TMEM266: variants seen among roughly 807,000 people sequenced by gnomAD.
The protein encoded by TMEM266 is Hv1 related protein 1.
Under a neutral mutation model 50.5 loss-of-function variants are expected in TMEM266, and 33 were observed. The ratio of observed to expected loss-of-function variants is 0.65; its 90% CI spans 0.50 to 0.87. TMEM266 has a LOEUF of 0.87. TMEM266 is among the 40% of genes least tolerant of loss of function. The pLI is 0.00. For synonymous variants in TMEM266, 310 were observed against 292.3 expected (o/e 1.06, Z -0.62); for missense variants, 655 against 695.1 (o/e 0.94, Z 0.65).
chr15:76,099,908 G>T (rs2036976866), intron 1 of TMEM266, among the ~76,000 whole-genome samples: 1 of 152,172 alleles, frequency 6.6e-6, no homozygotes, highest in Non-Finnish European at 1.5e-5. Context: ...CACAAAGCAG[G>T]AGAGGGAGAG....
At chr15:76,099,046 C>T (rs1348271649) in intron 1 of TMEM266, among the ~76,000 whole-genome samples, 2 of 152,176 alleles carry the variant, frequency 1.3e-5, no homozygotes, top group Admixed American at 1.3e-4. Flanking sequence ...TGAGCCAGAC[C>T]ACTTGGCTCC....
At chr15:76,190,551 T>A (rs1003778146) in intron 8 of TMEM266, among the ~76,000 whole-genome samples, 9 of 133,216 alleles carry the variant, frequency 6.8e-5, no homozygotes, top group Non-Finnish European at 1.3e-4. Context: ...GCAGTGGAGG[T>A]GGAGGGAGGC....
chr15:76,204,580 C>G lies in TMEM266; in HGVS notation c.*265C>G, dbSNP rs1022514881. 9 of 316,492 alleles carry G rather than the reference C, an allele frequency of 2.8e-5. No individual in the cohort carries two copies. The highest frequency in any genetic ancestry group is 1.7e-5 in the Non-Finnish European group (3 of 171,632). The allele number at this position is 316,492 out of a possible 1,614,324, so 19.6% of individuals were successfully genotyped here. A position where few individuals can be genotyped will look rare whatever the true frequency, so the allele number is the denominator to read the frequency against. On this transcript the variant is annotated 3_prime_UTR_variant, in exon 11 of 11. Coordinates refer to ENST00000388942, the MANE Select transcript of TMEM266 (RefSeq NM_152335.3). The stretch of plus-strand genomic sequence containing the variant: ...TCTTTTTAACCATTTTTACAAAAAC[C>G]AGCCTGTGGCCCAGCTTCAGCAGGG...
intron 1 of TMEM266, among the ~76,000 whole-genome samples, chr15:76,101,245 AAAGAG>A (rs2036995438): frequency 6.6e-6 from 1 of 152,194 alleles, no homozygotes; most frequent in African/African-American, 2.4e-5. Context: ...ACCTGGTGCA[AAAGAG>A]CTTCAGAGTT....
In TMEM266 at chr15:76,092,160, T is replaced by C. The variant is rs527865109; in HGVS notation, c.-97+32144T>C. On this transcript the variant is annotated intron_variant, in intron 1 of 10. Transcript: ENST00000388942. ...CAGCAACATGGATATAATGAAATAG[T>C]ACTATATCCCTTTCTGTCCTGATTT... Among the ~76,000 whole-genome samples the C allele has an allele frequency of 8.5e-5, 13 of 152,204 alleles. No homozygotes were observed. The South Asian group carries it at 2.7e-3, about 32-fold the overall frequency.
chr15:76,118,672 A>T (rs527638430), intron 1 of TMEM266, among the ~76,000 whole-genome samples: 2 of 152,340 alleles, frequency 1.3e-5, no homozygotes, highest in Non-Finnish European at 2.9e-5. Flanking sequence ...CCATTACCTA[A>T]GGAGTCCTAA....
intron 6 of TMEM266, 128 bp from the exon 7 acceptor site, chr15:76,170,865 G>A: frequency 1.8e-6 from 2 of 1,106,188 alleles, no homozygotes; most frequent in Non-Finnish European, 1.3e-6. Flanking sequence ...CACCCGGGGT[G>A]GGGTGGCCTT....
In TMEM266 at chr15:76,138,027, G is replaced by GC. The variant is rs1164842803; in HGVS notation, c.227+134dup. 4 of 818,888 alleles carry GC rather than the reference G, an allele frequency of 4.9e-6. No individual in the cohort carries two copies. The East Asian group carries it at 1.3e-4, about 27-fold the overall frequency. The allele number at this position is 818,888 out of a possible 1,614,324, so 50.7% of individuals were successfully genotyped here. A position where few individuals can be genotyped will look rare whatever the true frequency, so the allele number is the denominator to read the frequency against. The stretch of plus-strand genomic sequence containing the variant: ...ACCTGAGGTTAGGAGTTCGAGACCA[G>GC]CCTGGCCAACATGGTAAAACCCTGT... On this transcript the variant is annotated intron_variant, in intron 3 of 10. Transcript: ENST00000388942.
At chr15:76,134,683 A>G (rs2037563770) in intron 2 of TMEM266, among the ~76,000 whole-genome samples, 1 of 152,206 alleles carries the variant, frequency 6.6e-6, no homozygotes. Context: ...GGTTGGTATG[A>G]ATACTAAGAT....
At chr15:76,191,729 G>A in intron 8 of TMEM266, 1 of 475,068 alleles carries the variant, frequency 2.1e-6, no homozygotes, top group Non-Finnish European at 3.7e-6. Context: ...GTGAGATGGG[G>A]GCCAGACTGC....
chr15:76,079,771 C>CAAAA lies in TMEM266; in HGVS notation c.-97+19771_-97+19774dup, dbSNP rs1180534538. 1.1e-4 allele frequency among the ~76,000 whole-genome samples: 5 copies of CAAAA among 46,612 alleles called. 1 individual carries two copies. The highest frequency in any genetic ancestry group is 3.9e-4 in the African/African-American group (5 of 12,774). 30.6% of individuals were successfully genotyped at this position (46,612 alleles called of 152,430 possible). On this transcript the variant is annotated intron_variant, in intron 1 of 10. Transcript: ENST00000388942. ...CCTAGGACAGAGCGAGACTCTGTCTCAAAAAAAAAAAAAAAAAAATCCACA... is the reference window on the plus strand; with the variant it reads ...CCTAGGACAGAGCGAGACTCTGTCTCAAAAAAAAAAAAAAAAAAAAAAATCCACA...
intron 1 of TMEM266, among the ~76,000 whole-genome samples, chr15:76,093,385 G>A (rs747525329): frequency 1.3e-5 from 2 of 151,228 alleles, no homozygotes; most frequent in African/African-American, 2.4e-5. Context: ...GAGAACATGC[G>A]GTGTTTGATT....
chr15:76,087,102 T>C (rs192126343), intron 1 of TMEM266, among the ~76,000 whole-genome samples: 43 of 152,292 alleles, frequency 2.8e-4, no homozygotes, highest in Non-Finnish European at 5.9e-4. Flanking sequence ...GGTGGTTCTT[T>C]TCAAATTCAT....
At chr15:76,114,584 T>A (rs887796209) in intron 1 of TMEM266, among the ~76,000 whole-genome samples, 1 of 152,246 alleles carries the variant, frequency 6.6e-6, no homozygotes, top group Non-Finnish European at 1.5e-5. Flanking sequence ...TGTTTTGCTT[T>A]TATAAAAGGT....
intron 1 of TMEM266, among the ~76,000 whole-genome samples, chr15:76,071,069 A>G (rs568908508): frequency 2.0e-5 from 3 of 152,232 alleles, no homozygotes; most frequent in South Asian, 2.1e-4. Flanking sequence ...TTGACGTTCT[A>G]TATGATAAAG....
At chr15:76,092,616 G>A (rs1397604240) in intron 1 of TMEM266, among the ~76,000 whole-genome samples, 1 of 151,568 alleles carries the variant, frequency 6.6e-6, no homozygotes, top group Non-Finnish European at 1.5e-5. Flanking sequence ...CTTGAACCCG[G>A]GAAGCGGAAA....
At chr15:76,073,146 G>A (rs1226957707) in intron 1 of TMEM266, among the ~76,000 whole-genome samples, 1 of 148,518 alleles carries the variant, frequency 6.7e-6, no homozygotes, top group East Asian at 2.0e-4. Flanking sequence ...GTTCAGGCTG[G>A]TCTCGAACTC....
chr15:76,065,862 G>A (rs1000904714), intron 1 of TMEM266, among the ~76,000 whole-genome samples: 6 of 152,004 alleles, frequency 3.9e-5, no homozygotes, highest in East Asian at 1.9e-4. Flanking sequence ...CCCAGTGTGC[G>A]TCCACTTCTG....
chr15:76,083,064 A>G (rs1280547442), intron 1 of TMEM266, among the ~76,000 whole-genome samples: 5 of 152,156 alleles, frequency 3.3e-5, no homozygotes, highest in East Asian at 1.9e-4. Flanking sequence ...CTAGCCATTC[A>G]TGAGGGATCC....
Sources: gnomAD v4.1 joint callset for allele counts (sites outside exome capture counted in the v4.1 genomes callset) on GRCh38, gnomAD v4.1.1 for gene constraint, MANE v1.5 for transcripts, NCBI Gene and HGNC (gene_info 2026-07-23, HGNC 2026-07-21) for gene names.